GPC5: variants seen among roughly 807,000 people sequenced by gnomAD.
GPC5 encodes glypican 5.
Under a neutral mutation model 53.9 loss-of-function variants are expected in GPC5, and 47 were observed. The ratio of observed to expected loss-of-function variants is 0.87; its 90% CI spans 0.69 to 1.11. The LOEUF is 1.11. Among genes scored for constraint, GPC5 ranks in the 50% most tolerant of loss-of-function variants. The pLI is 0.00. For synonymous variants in GPC5, 286 were observed against 263.3 expected (o/e 1.09, Z -0.84); for missense variants, 748 against 713.1 (o/e 1.05, Z -0.56).
chr13:91,800,301 A>C (rs1255378876), intron 5 of GPC5, among the ~76,000 whole-genome samples: 1 of 152,174 alleles, frequency 6.6e-6, no homozygotes, highest in Non-Finnish European at 1.5e-5. Flanking sequence ...GCTTTGGATT[A>C]ATGAGATATG....
intron 7 of GPC5, among the ~76,000 whole-genome samples, chr13:92,553,087 A>G (rs1458969428): frequency 1.3e-5 from 2 of 151,974 alleles, no homozygotes; most frequent in Non-Finnish European, 2.9e-5. Flanking sequence ...CATGAGCAAC[A>G]TAAGGCCAAA....
At chr13:92,572,687 CTT>C (rs1263198811) in intron 7 of GPC5, among the ~76,000 whole-genome samples, 1 of 152,010 alleles carries the variant, frequency 6.6e-6, no homozygotes, top group Admixed American at 6.6e-5. Flanking sequence ...TTACATTAAC[CTT>C]TTTTCCCAAG....
chr13:92,153,771 T>A (rs1241207370), intron 7 of GPC5, among the ~76,000 whole-genome samples: 1 of 152,198 alleles, frequency 6.6e-6, no homozygotes, highest in Non-Finnish European at 1.5e-5. Flanking sequence ...TGTAGACACT[T>A]TTCTTCACGT....
intron 7 of GPC5, among the ~76,000 whole-genome samples, chr13:92,552,391 A>G (rs1397109918): frequency 6.6e-6 from 1 of 151,912 alleles, no homozygotes. Flanking sequence ...CAGGAATCAT[A>G]TTTTCTCACT....
chr13:92,142,561 A>G (rs1354210345), intron 6 of GPC5, among the ~76,000 whole-genome samples: 1 of 152,240 alleles, frequency 6.6e-6, no homozygotes, highest in African/African-American at 2.4e-5. Flanking sequence ...ATTTAACAAT[A>G]ATTACAAATA....
At chr13:92,615,049 A>G (rs1010121569) in intron 7 of GPC5, among the ~76,000 whole-genome samples, 1 of 152,238 alleles carries the variant, frequency 6.6e-6, no homozygotes, top group African/African-American at 2.4e-5. Flanking sequence ...AAAGGGTCGT[A>G]TAATTAAATC....
At chr13:91,702,698 G>A (rs1373512247) in intron 3 of GPC5, among the ~76,000 whole-genome samples, 1 of 151,942 alleles carries the variant, frequency 6.6e-6, no homozygotes, top group East Asian at 1.9e-4. Context: ...CTTTGATAGA[G>A]ATTGCACTGA....
At chr13:91,957,990 A>T (rs181666628) in intron 6 of GPC5, among the ~76,000 whole-genome samples, 2 of 152,096 alleles carry the variant, frequency 1.3e-5, no homozygotes, top group Non-Finnish European at 2.9e-5. Context: ...ACAACCAAAA[A>T]TCAATTAATA....
chr13:91,617,581 G>A (rs965442027), intron 2 of GPC5, among the ~76,000 whole-genome samples: 1 of 152,078 alleles, frequency 6.6e-6, no homozygotes, highest in Non-Finnish European at 1.5e-5. Flanking sequence ...CTCTTGACAA[G>A]CAACTCTTTG....
chr13:92,658,924 G>GTTTTTTTTTTTTT (rs71123426), intron 7 of GPC5: 15 of 85,598 alleles, frequency 1.8e-4, no homozygotes, highest in Non-Finnish European at 2.6e-4. Flanking sequence ...TATATGTTTT[G>GTTTTTTTTTTTTT]TTTTTTTTTT....
chr13:91,749,541 AATAGTGGAATTGCTGGG>A (rs1458637818), intron 4 of GPC5, among the ~76,000 whole-genome samples: 5 of 152,210 alleles, frequency 3.3e-5, no homozygotes, highest in African/African-American at 9.7e-5. Flanking sequence ...GTAAATACCA[AATAGTGGAATTGCTGGG>A]ATAGTGGAAT....
intron 2 of GPC5, among the ~76,000 whole-genome samples, chr13:91,651,647 G>A (rs1414325875): frequency 1.3e-5 from 2 of 151,840 alleles, no homozygotes; most frequent in South Asian, 2.1e-4. Flanking sequence ...GAACCCGGGA[G>A]GCGGAGGTTG....
rs138167718 is a variant in GPC5, at chr13:92,202,422, A to C, written c.1561+57433A>C. On this transcript the variant is annotated intron_variant, in intron 7 of 7. Transcript: ENST00000377067. Reference sequence around the variant, plus strand: ...AGTAAATGCTAAAGGACAGCTAATCAAGTGAGTGAGAAGCAAATAGCCACT... The same window carrying C: ...AGTAAATGCTAAAGGACAGCTAATCCAGTGAGTGAGAAGCAAATAGCCACT... Among the ~76,000 whole-genome samples, 4 of 152,362 alleles carry C rather than the reference A, an allele frequency of 2.6e-5. No homozygotes were observed. In the East Asian group the frequency reaches 7.7e-4, roughly 29 times the overall value.
chr13:91,741,111 A>G (rs1265386177), intron 4 of GPC5, among the ~76,000 whole-genome samples: 1 of 152,162 alleles, frequency 6.6e-6, no homozygotes, highest in African/African-American at 2.4e-5. Flanking sequence ...GGTGCTTAGT[A>G]AAAATAAGAT....
chr13:92,714,328 T>C (rs1318079989), intron 7 of GPC5, among the ~76,000 whole-genome samples: 1 of 152,216 alleles, frequency 6.6e-6, no homozygotes, highest in Non-Finnish European at 1.5e-5. Flanking sequence ...GAACTGTTGA[T>C]AGATCATCAG....
At chr13:92,614,231 T>G (rs1469932397) in intron 7 of GPC5, among the ~76,000 whole-genome samples, 2 of 152,176 alleles carry the variant, frequency 1.3e-5, no homozygotes, top group East Asian at 3.9e-4. Context: ...TTAATGAAGT[T>G]TAAATATCTT....
At chr13:92,288,942 G>A (rs558395970) in intron 7 of GPC5, among the ~76,000 whole-genome samples, 10 of 152,160 alleles carry the variant, frequency 6.6e-5, no homozygotes, top group East Asian at 1.9e-4. Context: ...GTGATACATC[G>A]TTGAACCATT....
At chr13:91,581,120 C>T (rs2032344626) in intron 2 of GPC5, among the ~76,000 whole-genome samples, 1 of 152,194 alleles carries the variant, frequency 6.6e-6, no homozygotes, top group African/African-American at 2.4e-5. Context: ...CACCAGGTCC[C>T]TCCCATCACA....
At position 92,099,668 on chromosome 13, in the gene GPC5, T is replaced by TAAATCA. The variant is rs2041450399; in HGVS notation, c.1402-45162_1402-45161insAAATCA. On this transcript the variant is annotated intron_variant, in intron 6 of 7. Coordinates refer to ENST00000377067, the MANE Select transcript of GPC5 (RefSeq NM_004466.6). ...ATGCATAGATGAATATAGTATCAAC[T>TAAATCA]GTTTACTGAATTAAACTGAATTAAG... Among the ~76,000 whole-genome samples, 3 of 152,326 alleles carry TAAATCA rather than the reference T, an allele frequency of 2.0e-5. No individual in the cohort carries two copies. The East Asian group carries it at 5.8e-4, about 29-fold the overall frequency.
Sources: gnomAD v4.1 joint callset for allele counts (sites outside exome capture counted in the v4.1 genomes callset) on GRCh38, gnomAD v4.1.1 for gene constraint, MANE v1.5 for transcripts, NCBI Gene and HGNC (gene_info 2026-07-23, HGNC 2026-07-21) for gene names.